FANCA: variants seen among roughly 807,000 people sequenced by gnomAD.
FANCA encodes FA complementation group A, also known as Fanconi anemia group A protein.
FANCA carries 236 observed loss-of-function variants against 194.3 expected under a neutral mutation model. The observed-to-expected ratio is 1.21, with a 90% CI of 1.09 to 1.35. FANCA has a LOEUF of 1.35. FANCA is among the 40% of genes most tolerant of loss of function. The pLI is 0.00. For missense variants in FANCA, 2,628 were observed against 1,813.9 expected, an observed-to-expected ratio of 1.45 and a Z score of -8.15; for synonymous variants, 1,014 against 715.8, an observed-to-expected ratio of 1.42 and a Z score of -6.65.
rs1264506681 is a variant in FANCA at position 89,739,531 on chromosome 16, G to A, written c.3957C>T (p.Leu1319=). The change falls in exon 40 of 43, where the codon CTC becomes CTT. Residue 1319 remains leucine (L), a synonymous_variant. Coordinates refer to ENST00000389301, the MANE Select transcript of FANCA (RefSeq NM_000135.4). ...TESDLRLGRL[L]LRVAPDQHTR... Reference sequence around the variant, plus strand: ...TGTGCTGATCCGGGGCCACACGGAGGAGGAGCCGCCCCAGCCTGAGGTCTG... The same window carrying A: ...TGTGCTGATCCGGGGCCACACGGAGAAGGAGCCGCCCCAGCCTGAGGTCTG... The A allele has an allele frequency of 1.3e-6, 2 of 1,551,362 alleles. No individual in the cohort carries two copies. Among genetic ancestry groups the A allele is most frequent in the Admixed American group, 2.0e-5 (1 of 51,016 alleles).
chr16:89,737,949 A>G lies in FANCA; in HGVS notation c.*652T>C. ...CCCCTCCCAGGGCTGTGGCCCTCGC[A>G]CCTTCTTATCTGCCTCTGTCCCCCA... On this transcript the variant is annotated 3_prime_UTR_variant, in exon 43 of 43. Transcript: ENST00000389301. The G allele has an allele frequency of 6.2e-7, 1 of 1,613,984 alleles. No individual in the cohort carries two copies. Among genetic ancestry groups the G allele is most frequent in the Non-Finnish European group, 8.5e-7 (1 of 1,179,974 alleles).
Position 89,805,484 on chromosome 16 carries a change from G to C in FANCA, c.597-92C>G, listed in dbSNP as rs2040607664. 2.5e-5 allele frequency: 24 copies of C among 972,904 alleles called. No individual in the cohort carries two copies. The South Asian group carries it at 3.2e-4, about 13-fold the overall frequency. The allele number at this position is 972,904 out of a possible 1,614,324, so 60.3% of individuals were successfully genotyped here. On this transcript the variant is annotated intron_variant, in intron 6 of 42. Coordinates refer to ENST00000389301, the MANE Select transcript of FANCA (RefSeq NM_000135.4). ...CCATATGTCCCAATTTTTTTTTTGA[G>C]ACAGTTTTTTGCTGTCACTGAGGCT...
At position 89,767,186 on chromosome 16, in the gene FANCA, T is replaced by G; in HGVS notation, c.2556A>C (p.Ser852=). 1 of 1,614,044 alleles carries G rather than the reference T, an allele frequency of 6.2e-7. No individual in the cohort carries two copies. Among genetic ancestry groups the G allele is most frequent in the South Asian group, 1.1e-5 (1 of 91,086 alleles). Residue 852 remains serine (S), a synonymous_variant, in exon 27 of 43, where the codon TCA becomes TCC. Transcript: ENST00000389301. The stretch of plus-strand genomic sequence containing the variant: ...ATAAGCAGCTGCACAAAGTATCTCG[T>G]GACTGGGAAGAAAACTTGCAGAGAG... ...SYSLCKFSSQ[S]RDTLCSCLSP... is the part of the protein sequence containing the mutation.
rs2040094100 is a variant in FANCA, at chr16:89,792,048, T to C, written c.1104A>G (p.Ala368=). 1 of 1,614,076 alleles carries C rather than the reference T, an allele frequency of 6.2e-7. No individual in the cohort carries two copies. The highest frequency in any genetic ancestry group is 1.1e-5 in the South Asian group (1 of 91,084). Residue 368 remains alanine (A), a synonymous_variant, in exon 13 of 43, where the codon GCA becomes GCG. Transcript: ENST00000389301. ...CTTGCAAATGGCCAACCAACTCCTCTGCACTCAGCATCACAAAGAGCTGAA... is the reference window on the plus strand; with the variant it reads ...CTTGCAAATGGCCAACCAACTCCTCCGCACTCAGCATCACAAAGAGCTGAA... ...LYRRLFVMLS[A]EELVGHLQEV...
In FANCA at chr16:89,791,275, C is replaced by G. The variant is rs547539800; in HGVS notation, c.1359+128G>C. On this transcript the variant is annotated intron_variant, in intron 14 of 42. Coordinates refer to ENST00000389301, the MANE Select transcript of FANCA (RefSeq NM_000135.4). ...CACGCAGAGGAAGATCTGCCAAGGC[C>G]ACTCGGCAAAGCTGACAGCAAGGTT... 35 of 1,292,154 alleles carry G rather than the reference C, an allele frequency of 2.7e-5. No homozygotes were observed. The African/African-American group carries it at 4.6e-4, about 17-fold the overall frequency. 80.0% of individuals were successfully genotyped at this position (1,292,154 alleles called of 1,614,324 possible).
intron 5 of FANCA, among the ~76,000 whole-genome samples, chr16:89,810,138 C>T (rs943251866): frequency 1.1e-4 from 16 of 151,776 alleles, no homozygotes; most frequent in Non-Finnish European, 2.1e-4. Flanking sequence ...CTGGCTAACA[C>T]GGTGAAACCC....
intron 10 of FANCA, among the ~76,000 whole-genome samples, chr16:89,796,773 A>G (rs886099939): frequency 4.0e-4 from 61 of 152,352 alleles, no homozygotes; most frequent in African/African-American, 1.4e-3. Flanking sequence ...CTGTAATCCC[A>G]GCACTCTGGG....
intron 30 of FANCA, among the ~76,000 whole-genome samples, chr16:89,755,213 T>A (rs1455891959): frequency 8.0e-6 from 1 of 124,614 alleles, no homozygotes; most frequent in Non-Finnish European, 1.9e-5. Context: ...CACACAACAA[T>A]TTTTTTTTTT....
intron 7 of FANCA, among the ~76,000 whole-genome samples, chr16:89,803,986 T>C (rs1362387263): frequency 1.3e-5 from 2 of 152,038 alleles, no homozygotes; most frequent in African/African-American, 4.8e-5. Flanking sequence ...CCTGCCAATC[T>C]CCAATACCAG....
At chr16:89,796,136 C>T in intron 10 of FANCA, 118 bp from the exon 11 acceptor site, 1 of 774,426 alleles carries the variant, frequency 1.3e-6, no homozygotes. Flanking sequence ...AAGGGGCTTT[C>T]TTGGCCAGGC....
Position 89,749,774 on chromosome 16 carries a change from C to A in FANCA, c.3195G>T (p.Val1065=). The part of the protein sequence containing the change: ...RLQALTSGWS[V]AASLQRQREL... ...CCCTCTGTCTCTGAAGGCTGGCAGC[C>A]ACGCTCCACCCGCTTGTCAGAGCCT... The change falls in exon 32 of 43, where the codon GTG becomes GTT. Residue 1065 remains valine (V), a synonymous_variant. Coordinates refer to ENST00000389301, the MANE Select transcript of FANCA (RefSeq NM_000135.4). The A allele has an allele frequency of 6.2e-7, 1 of 1,614,206 alleles. No homozygotes were observed.
At chr16:89,766,883 T>C (rs1173542752) in intron 27 of FANCA, among the ~76,000 whole-genome samples, 4 of 152,230 alleles carry the variant, frequency 2.6e-5, no homozygotes, top group Admixed American at 2.6e-4. Context: ...AGACTTGTAG[T>C]TGTCTTCATA....
chr16:89,809,466 G>A (rs139111518), intron 5 of FANCA, among the ~76,000 whole-genome samples: 2,591 of 152,210 alleles, frequency 0.017, 90 homozygotes, highest in African/African-American at 0.059. Flanking sequence ...TGTAATCCCA[G>A]CACTTGGGAG....
At chr16:89,748,435 T>G (rs2038465271) in intron 33 of FANCA, among the ~76,000 whole-genome samples, 1 of 152,228 alleles carries the variant, frequency 6.6e-6, no homozygotes, top group African/African-American at 2.4e-5. Flanking sequence ...GAACTCAAAC[T>G]TGGGAGAAGG....
chr16:89,801,548 G>A (rs1245848932), intron 8 of FANCA, among the ~76,000 whole-genome samples: 1 of 152,144 alleles, frequency 6.6e-6, no homozygotes, highest in Non-Finnish European at 1.5e-5. Flanking sequence ...ATAGTATGGA[G>A]ATTTCTAAAT....
intron 8 of FANCA, among the ~76,000 whole-genome samples, chr16:89,800,882 A>C (rs1204695584): frequency 6.6e-6 from 1 of 151,408 alleles, no homozygotes; most frequent in African/African-American, 2.4e-5. Context: ...AATACAAAAA[A>C]ATTAGCTAGG....
chr16:89,766,753 G>C (rs1356554301), intron 27 of FANCA, among the ~76,000 whole-genome samples: 1 of 151,990 alleles, frequency 6.6e-6, no homozygotes, highest in African/African-American at 2.4e-5. Flanking sequence ...ACAATGTAAG[G>C]AACATTTACT....
At chr16:89,804,501 T>C (rs2040565552) in intron 7 of FANCA, among the ~76,000 whole-genome samples, 1 of 152,096 alleles carries the variant, frequency 6.6e-6, no homozygotes, top group African/African-American at 2.4e-5. Context: ...CTCCTCAAGC[T>C]GGATTGGTCC....
At chr16:89,756,999 G>A (rs982544039) in intron 30 of FANCA, among the ~76,000 whole-genome samples, 2 of 152,162 alleles carry the variant, frequency 1.3e-5, no homozygotes, top group African/African-American at 2.4e-5. Flanking sequence ...TTTGTTTTGA[G>A]ATGGAGTCTC....
Sources: allele counts gnomAD v4.1 joint callset (sites outside exome capture counted in the v4.1 genomes callset), GRCh38; gene constraint gnomAD v4.1.1; transcripts MANE v1.5; gene names NCBI Gene and HGNC (gene_info 2026-07-23, HGNC 2026-07-21).